TMPRSS9: variants seen among roughly 807,000 people sequenced by gnomAD.
TMPRSS9 encodes the protein transmembrane serine protease 9.
A neutral mutation model predicts 111.4 loss-of-function variants in TMPRSS9; 113 were observed. The ratio of observed to expected loss-of-function variants is 1.01; its 90% confidence interval spans 0.87 to 1.19. The LOEUF is 1.19. Among genes scored for constraint, TMPRSS9 ranks in the 50% most tolerant of loss-of-function variants. TMPRSS9 has a pLI of 0.00. For synonymous variants in TMPRSS9, 805 were observed against 659.1 expected (o/e 1.22, Z -3.39); for missense variants, 1,803 against 1,513.1 (o/e 1.19, Z -3.18).
At chr19:2,407,794 A>T (rs545152937) in intron 7 of TMPRSS9, among the ~76,000 whole-genome samples, 95 of 127,470 alleles carry the variant, frequency 7.5e-4, no homozygotes, top group East Asian at 2.3e-4. Flanking sequence ...ATATATATAT[A>T]TTTTTTCTGA....
intron 12 of TMPRSS9, 38 bp from the exon 14 acceptor site, chr19:2,417,964 C>T: frequency 1.2e-6 from 2 of 1,610,296 alleles, no homozygotes; most frequent in Non-Finnish European, 1.7e-6. Flanking sequence ...CTCTGATGAT[C>T]ACTGTGCACG....
At chr19:2,424,218 C>T in exon 15 of TMPRSS9, 1 of 1,437,084 alleles carries the variant, frequency 7.0e-7, no homozygotes, top group African/African-American at 1.5e-5. Flanking sequence ...GTGCTGGTGG[C>T]AGAGAGGTGG....
chr19:2,405,680 T>A, intron 7 of TMPRSS9, 135 bp downstream of exon 8: 1 of 969,286 alleles, frequency 1.0e-6, no homozygotes, highest in Non-Finnish European at 1.4e-6. Flanking sequence ...TTTCTTGCTT[T>A]TGCTGTTGTT....
chr19:2,379,728 C>G (rs1467409115), intron 1 of TMPRSS9, among the ~76,000 whole-genome samples: 3 of 145,110 alleles, frequency 2.1e-5, no homozygotes, highest in Non-Finnish European at 3.0e-5. Context: ...CTCTTTTTCT[C>G]TTTCTCTCTC....
At chr19:2,424,068 A>T in intron 14 of TMPRSS9, 21 bp from the exon 16 acceptor site, 1 of 1,260,086 alleles carries the variant, frequency 7.9e-7, no homozygotes, top group South Asian at 2.8e-5. Context: ...CCGCCTGCCC[A>T]CGCGCCTGGC....
chr19:2,416,232 T>C (rs1476662811), intron 11 of TMPRSS9: 3 of 456,348 alleles, frequency 6.6e-6, no homozygotes, highest in South Asian at 4.0e-5. Flanking sequence ...AGCGAGACCC[T>C]GTCTCAACAA....
At chr19:2,368,790 T>TTTTTTTTTTTTTG (rs1970267162) in intron 1 of TMPRSS9, among the ~76,000 whole-genome samples, 1 of 117,076 alleles carries the variant, frequency 8.5e-6, no homozygotes, top group African/African-American at 4.0e-5. Context: ...TTTTTTTTTT[T>TTTTTTTTTTTTTG]TTTTTTTTTT....
chr19:2,408,623 G>C, exon 8 of TMPRSS9: 1 of 1,610,406 alleles, frequency 6.2e-7, no homozygotes, highest in Non-Finnish European at 8.5e-7. Context: ...ACCTCAAGGA[G>C]GACTTCCGTA....
intron 11 of TMPRSS9, 54 bp from the exon 13 acceptor site, chr19:2,416,484 A>G (rs1971233446): frequency 1.9e-6 from 3 of 1,560,170 alleles, no homozygotes; most frequent in African/African-American, 1.3e-5. Flanking sequence ...TCCCTCCCCA[A>G]GAAGGCGGGC....
intron 14 of TMPRSS9, among the ~76,000 whole-genome samples, chr19:2,423,467 TG>T (rs1205762195): frequency 2.6e-4 from 6 of 22,862 alleles, no homozygotes; most frequent in Non-Finnish European, 5.1e-4. Flanking sequence ...TGGTGGGGGG[TG>T]GGGGGCGGGG....
intron 1 of TMPRSS9, among the ~76,000 whole-genome samples, chr19:2,373,259 C>G (rs1970304416): frequency 6.6e-6 from 1 of 152,160 alleles, no homozygotes; most frequent in African/African-American, 2.4e-5. Context: ...GAGACACAGT[C>G]TCACTCTGTC....
exon 18 of TMPRSS9, chr19:2,425,999 G>A: frequency 6.2e-7 from 1 of 1,607,402 alleles, no homozygotes; most frequent in Non-Finnish European, 8.5e-7. Flanking sequence ...CACTAGCTGG[G>A]GCTATGGCTG....
chr19:2,410,058 C>T (rs1047681118), intron 8 of TMPRSS9, among the ~76,000 whole-genome samples, 200 bp from the exon 10 acceptor site: 1 of 152,058 alleles, frequency 6.6e-6, no homozygotes, highest in African/African-American at 2.4e-5. Context: ...TCTGATGCCT[C>T]TTCCTTGTCC....
intron 1 of TMPRSS9, among the ~76,000 whole-genome samples, chr19:2,383,587 C>T (rs928596561): frequency 9.9e-5 from 15 of 150,802 alleles, no homozygotes; most frequent in East Asian, 3.9e-4. Flanking sequence ...CCTCCTATCT[C>T]GGCCTCCCAA....
At chr19:2,412,476 G>A (rs1001707200) in intron 9 of TMPRSS9, among the ~76,000 whole-genome samples, 1 of 152,074 alleles carries the variant, frequency 6.6e-6, no homozygotes, top group African/African-American at 2.4e-5. Flanking sequence ...ACTTTCTCTT[G>A]GCGAGGGACA....
intron 6 of TMPRSS9, 81 bp from the exon 8 acceptor site, chr19:2,405,293 G>C (rs1006340937): frequency 2.0e-6 from 3 of 1,481,574 alleles, no homozygotes; most frequent in Non-Finnish European, 2.7e-6. Context: ...GTAGACGAGA[G>C]ACTCAGAGAT....
intron 8 of TMPRSS9, among the ~76,000 whole-genome samples, chr19:2,410,011 G>A (rs544413889): frequency 2.0e-4 from 30 of 152,222 alleles, no homozygotes; most frequent in African/African-American, 4.6e-4. Context: ...TGGAGCTTGC[G>A]GAAGGGAGAT....
rs1341820201 is a variant in TMPRSS9, at chr19:2,425,498, G to A, written c.3120+5G>A. ...GGTGGCGTGGACAGCTGCTCGGTGA[G>A]CCCCGCCCCGGCCCAGGGGACCAGG... is the stretch of plus-strand genomic sequence containing the variant. On this transcript the variant is annotated splice_donor_5th_base_variant and intron_variant, in intron 17 of 17. Transcript: ENST00000648592. The A allele has an allele frequency of 1.3e-6, 2 of 1,566,262 alleles. No individual in the cohort carries two copies. Among genetic ancestry groups the A allele is most frequent in the Non-Finnish European group, 8.6e-7 (1 of 1,163,702 alleles).
chr19:2,372,149 C>A (rs1283817890), intron 1 of TMPRSS9, among the ~76,000 whole-genome samples: 1 of 152,156 alleles, frequency 6.6e-6, no homozygotes, highest in Non-Finnish European at 1.5e-5. Context: ...AGCCACTGTG[C>A]CTGGCCCCTT....
Sources: gnomAD v4.1 joint callset for allele counts (sites outside exome capture counted in the v4.1 genomes callset) on GRCh38, gnomAD v4.1.1 for gene constraint, MANE v1.5 for transcripts, NCBI Gene and HGNC (gene_info 2026-07-23, HGNC 2026-07-21) for gene names.